The following ARHGEF28 variants were observed in gnomAD, a reference collection of about 807,000 sequenced individuals.
ARHGEF28 encodes the protein 190 kDa guanine nucleotide exchange factor.
In ARHGEF28, 152 loss-of-function variants were observed where a neutral mutation model predicts 206.6. That is an observed-to-expected ratio of 0.74 (90% CI 0.64 to 0.84). ARHGEF28 has a LOEUF of 0.84. Ranked by LOEUF, ARHGEF28 falls within the 40% of genes least tolerant of loss-of-function variation. ARHGEF28 has a pLI of 0.00. For synonymous variants in ARHGEF28, 763 were observed against 776.4 expected (o/e 0.98, Z 0.29); for missense variants, 2,028 against 2,073.2 (o/e 0.98, Z 0.42).
At chr5:73,914,874 G>A (rs946274262) in intron 35 of ARHGEF28, among the ~76,000 whole-genome samples, 22 of 152,184 alleles carry the variant, frequency 1.4e-4, no homozygotes, top group African/African-American at 5.3e-4. Context: ...CTCCTGAGTA[G>A]ATGGGACTAC....
At chr5:73,797,887 C>T (rs1178324249) in intron 9 of ARHGEF28, among the ~76,000 whole-genome samples, 1 of 152,182 alleles carries the variant, frequency 6.6e-6, no homozygotes, top group Non-Finnish European at 1.5e-5. Context: ...CTGATGGACA[C>T]ATTTTATAGC....
chr5:73,757,972 A>T (rs1029286739), intron 4 of ARHGEF28, among the ~76,000 whole-genome samples: 1 of 152,192 alleles, frequency 6.6e-6, no homozygotes, highest in African/African-American at 2.4e-5. Context: ...GGGATAACAC[A>T]TTCTAATGTT....
At chr5:73,736,599 A>C (rs1750950867) in intron 2 of ARHGEF28, among the ~76,000 whole-genome samples, 1 of 152,168 alleles carries the variant, frequency 6.6e-6, no homozygotes, top group Non-Finnish European at 1.5e-5. Context: ...TGTGTTCCTA[A>C]GCAACCACAA....
At chr5:73,891,965 T>TAC (rs1299409559) in intron 26 of ARHGEF28, 87 bp from the exon 27 acceptor site, 1 of 1,242,138 alleles carries the variant, frequency 8.1e-7, no homozygotes, top group African/African-American at 1.5e-5. Context: ...GTTTACCTAG[T>TAC]ACTCTTGCTT....
At chr5:73,861,563 G>A (rs368709623) in intron 16 of ARHGEF28, among the ~76,000 whole-genome samples, 4 of 152,182 alleles carry the variant, frequency 2.6e-5, no homozygotes, top group South Asian at 2.1e-4. Context: ...CTCCTGAGTC[G>A]CTGGGACTAT....
intron 35 of ARHGEF28, chr5:73,923,072 A>G: frequency 2.0e-6 from 3 of 1,534,830 alleles, no homozygotes; most frequent in South Asian, 2.4e-5. Context: ...TAATGCGGCC[A>G]TATTTTGCAT....
At chr5:73,821,444 G>T (rs1049326847) in intron 9 of ARHGEF28, among the ~76,000 whole-genome samples, 1 of 152,198 alleles carries the variant, frequency 6.6e-6, no homozygotes, top group Non-Finnish European at 1.5e-5. Flanking sequence ...ATAGGCACTG[G>T]AGAATAGAGC....
intron 9 of ARHGEF28, among the ~76,000 whole-genome samples, chr5:73,803,099 C>T (rs1755240516): frequency 6.6e-6 from 1 of 152,086 alleles, no homozygotes; most frequent in South Asian, 2.1e-4. Context: ...AAACGTGGCT[C>T]CTTACTTGAA....
intron 2 of ARHGEF28, among the ~76,000 whole-genome samples, chr5:73,721,716 G>A (rs187393448): frequency 4.1e-4 from 63 of 152,220 alleles, no homozygotes; most frequent in African/African-American, 1.2e-3. Context: ...GGAATTACAG[G>A]TATGAGCCAC....
At chr5:73,715,582 C>T (rs1201394321) in intron 2 of ARHGEF28, among the ~76,000 whole-genome samples, 1 of 152,030 alleles carries the variant, frequency 6.6e-6, no homozygotes, top group East Asian at 1.9e-4. Context: ...GTCTACAATA[C>T]CTTAAAGTTT....
At chr5:73,859,878 C>T (rs1759285278) in intron 16 of ARHGEF28, among the ~76,000 whole-genome samples, 1 of 152,204 alleles carries the variant, frequency 6.6e-6, no homozygotes, top group South Asian at 2.1e-4. Context: ...GGGTAATCTT[C>T]ACCCACTGCT....
At chr5:73,795,949 C>A (rs1754779255) in intron 9 of ARHGEF28, among the ~76,000 whole-genome samples, 1 of 152,204 alleles carries the variant, frequency 6.6e-6, no homozygotes, top group Admixed American at 6.5e-5. Context: ...TGTTCCTCCA[C>A]CCTTGGCAAG....
chr5:73,873,964 G>A lies in ARHGEF28; in HGVS notation c.2814+718G>A, dbSNP rs558888380. Among the ~76,000 whole-genome samples, 142 of 152,246 alleles carry A rather than the reference G, an allele frequency of 9.3e-4. 1 individual carries two copies. The highest frequency in any genetic ancestry group is 2.9e-3 in the African/African-American group (119 of 41,548). On this transcript the variant is annotated intron_variant, in intron 22 of 35. Coordinates refer to ENST00000513042, the MANE Select transcript of ARHGEF28 (RefSeq NM_001177693.2). ...GAAACTGCTAACTGTTTTCCAGAGT[G>A]GTTGTACCATTTTACATTCTCATCA...
At chr5:73,845,986 CAAAAA>C (rs57600570) in intron 11 of ARHGEF28, among the ~76,000 whole-genome samples, 3,281 of 63,770 alleles carry the variant, frequency 0.051, 55 homozygotes, top group Middle Eastern at 0.11. Context: ...AAAACTGTCT[CAAAAA>C]AAAAAAAAAA....
At position 73,909,485 on chromosome 5, in the gene ARHGEF28, T is replaced by TCGGCCA; in HGVS notation, c.4237_4242dup (p.Gly1413_His1414dup). On this transcript the variant is annotated inframe_insertion, in exon 34 of 36. Transcript: ENST00000513042. ...CTCCAGCAGCAGGAGGGCCTGTCTCTCGGCCACTCTATCCTCCGAGGCGGC... is the reference window on the plus strand; with the variant it reads ...CTCCAGCAGCAGGAGGGCCTGTCTCTCGGCCACGGCCACTCTATCCTCCGAGGCGGC... 6.2e-7 allele frequency: 1 copy of TCGGCCA among 1,612,468 alleles called. No homozygotes were observed. Among genetic ancestry groups the TCGGCCA allele is most frequent in the Non-Finnish European group, 8.5e-7 (1 of 1,179,504 alleles).
intron 2 of ARHGEF28, among the ~76,000 whole-genome samples, chr5:73,729,757 A>G (rs1424675844): frequency 1.3e-5 from 2 of 152,206 alleles, no homozygotes; most frequent in South Asian, 2.1e-4. Flanking sequence ...CTCAAATTGT[A>G]TAGACTATTT....
At chr5:73,797,169 G>T (rs1213950899) in intron 9 of ARHGEF28, among the ~76,000 whole-genome samples, 1 of 152,160 alleles carries the variant, frequency 6.6e-6, no homozygotes, top group Non-Finnish European at 1.5e-5. Context: ...TTTATGAAAA[G>T]GACCATGATG....
Position 73,684,873 on chromosome 5 carries a change from G to C in ARHGEF28, c.22G>C (p.Ala8Pro), listed in dbSNP as rs756455819. The C allele has an allele frequency of 2.5e-6, 4 of 1,611,788 alleles. No homozygotes were observed. The highest frequency in any genetic ancestry group is 3.4e-6 in the Non-Finnish European group (4 of 1,178,778). The change falls in exon 2 of 36, where the codon GCA (alanine) becomes CCA (proline). Residue 8 changes from alanine (A) to proline (P), a missense_variant. Ala to Pro is a conservative substitution (Grantham distance 27). This residue lies in a region of ARHGEF28 where 1,002 missense variants were observed against 1,015.3 expected (regional missense o/e 0.99). Transcript: ENST00000513042. ...AGCCATGGAGTTGAGCTGCAGCGAA[G>C]CACCTCTTTACGTAAGTTGCTAAGC... MELSCSEAPLYGQMMIYA... is the reference protein window; with the variant it reads MELSCSEPPLYGQMMIYA...
chr5:73,888,813 T>TTTATG (rs1761454158), intron 26 of ARHGEF28, among the ~76,000 whole-genome samples: 1 of 152,124 alleles, frequency 6.6e-6, no homozygotes, highest in Admixed American at 6.6e-5. Context: ...ATAGACAACA[T>TTTATG]TTACCATTAA....
Sources: gnomAD v4.1 joint callset for allele counts (sites outside exome capture counted in the v4.1 genomes callset) on GRCh38, gnomAD v4.1.1 for gene constraint, gnomAD v4.1.1 regional missense constraint, MANE v1.5 for transcripts, NCBI Gene and HGNC (gene_info 2026-07-23, HGNC 2026-07-21) for gene names.